The following DLGAP1 variants were observed in gnomAD, a reference collection of about 807,000 sequenced individuals.
DLGAP1 encodes DLG associated protein 1.
DLGAP1 carries 11 observed loss-of-function variants against 90.8 expected under a neutral mutation model. That is an observed-to-expected ratio of 0.12 (90% CI 0.08 to 0.20). The LOEUF (loss-of-function observed/expected upper bound fraction) is 0.20. Ranked by LOEUF, DLGAP1 falls within the 10% of genes least tolerant of loss-of-function variation. The probability of loss-of-function intolerance (pLI) is 1.00; values close to 1 mark genes in which losing one functional copy is unlikely to be tolerated. For synonymous variants in DLGAP1, 558 were observed against 540.7 expected (o/e 1.03, Z -0.44); for missense variants, 1,050 against 1,333.8 (o/e 0.79, Z 3.31).
At chr18:3,805,610 GT>G (rs1181051912) in intron 5 of DLGAP1, among the ~76,000 whole-genome samples, 2 of 152,232 alleles carry the variant, frequency 1.3e-5, no homozygotes, top group African/African-American at 4.8e-5. Flanking sequence ...GGAGTACTGT[GT>G]TATGTGGGTG....
At chr18:4,032,445 A>G (rs889285700) in intron 2 of DLGAP1, among the ~76,000 whole-genome samples, 9 of 152,218 alleles carry the variant, frequency 5.9e-5, no homozygotes, top group African/African-American at 2.2e-4. Flanking sequence ...ATCAAAAAAA[A>G]GAAAAATAAG....
At chr18:4,224,780 T>C (rs2144999641) in intron 1 of DLGAP1, among the ~76,000 whole-genome samples, 1 of 152,266 alleles carries the variant, frequency 6.6e-6, no homozygotes, top group Admixed American at 6.5e-5. Context: ...CTCACTACAC[T>C]GAAGAGAAGG....
chr18:3,573,630 AG>A (rs1160649225), intron 8 of DLGAP1, among the ~76,000 whole-genome samples: 1 of 150,344 alleles, frequency 6.7e-6, no homozygotes, highest in Non-Finnish European at 1.5e-5. Context: ...CATTTGTGAA[AG>A]GTTTTTTTTT....
intron 2 of DLGAP1, among the ~76,000 whole-genome samples, chr18:4,014,205 C>A (rs1333149863): frequency 6.6e-6 from 1 of 151,614 alleles, no homozygotes; most frequent in Non-Finnish European, 1.5e-5. Flanking sequence ...CCTGCCTCAG[C>A]CTCCCGAGTA....
chr18:3,998,953 C>A (rs7236570), intron 3 of DLGAP1, among the ~76,000 whole-genome samples: 38,139 of 151,986 alleles, frequency 0.25, 4,857 homozygotes, highest in Middle Eastern at 0.34. Context: ...CAGACAGGCT[C>A]AATAGGCTTA....
At chr18:3,845,735 T>A in intron 4 of DLGAP1, 1 of 403,360 alleles carries the variant, frequency 2.5e-6, no homozygotes, top group Non-Finnish European at 3.4e-6. Flanking sequence ...GAAGCATGCC[T>A]GATTGTCTGA....
intron 2 of DLGAP1, among the ~76,000 whole-genome samples, chr18:4,080,313 A>T (rs1226449693): frequency 6.6e-6 from 1 of 152,218 alleles, no homozygotes; most frequent in Non-Finnish European, 1.5e-5. Context: ...TGATAACGCT[A>T]TCATTTTATT....
At chr18:4,027,975 A>G (rs1455810223) in intron 2 of DLGAP1, among the ~76,000 whole-genome samples, 1 of 152,166 alleles carries the variant, frequency 6.6e-6, no homozygotes, top group Non-Finnish European at 1.5e-5. Flanking sequence ...TTGATAACCA[A>G]TCAGTTGTGG....
chr18:4,324,382 C>T (rs1271361312), intron 1 of DLGAP1, among the ~76,000 whole-genome samples: 1 of 151,236 alleles, frequency 6.6e-6, no homozygotes, highest in Non-Finnish European at 1.5e-5. Context: ...AAAAAGCCTA[C>T]CAACCAAAAA....
intron 2 of DLGAP1, among the ~76,000 whole-genome samples, chr18:4,105,225 A>C (rs1035962433): frequency 1.3e-5 from 2 of 152,204 alleles, no homozygotes; most frequent in Non-Finnish European, 2.9e-5. Context: ...ATGCTCAGGA[A>C]GTGGCATGAA....
chr18:3,571,165 G>A (rs1204291992), intron 8 of DLGAP1: 2 of 151,902 alleles, frequency 1.3e-5, no homozygotes, highest in Admixed American at 6.6e-5. Context: ...TGTAGGAATA[G>A]TAAATAATTT....
At chr18:4,211,037 G>A (rs1224341752) in intron 1 of DLGAP1, among the ~76,000 whole-genome samples, 1 of 152,166 alleles carries the variant, frequency 6.6e-6, no homozygotes, top group African/African-American at 2.4e-5. Context: ...GAACAATGTA[G>A]CTTTATCTAC....
intron 6 of DLGAP1, among the ~76,000 whole-genome samples, chr18:3,733,043 G>C (rs1182603226): frequency 2.0e-5 from 3 of 152,068 alleles, no homozygotes; most frequent in Admixed American, 1.3e-4. Context: ...GATGGAATTG[G>C]AATATTCTAT....
At chr18:4,058,363 C>G (rs966783039) in intron 2 of DLGAP1, among the ~76,000 whole-genome samples, 3 of 152,184 alleles carry the variant, frequency 2.0e-5, no homozygotes, top group African/African-American at 7.2e-5. Flanking sequence ...GGCTCATTGC[C>G]AGGACAGACA....
intron 7 of DLGAP1, among the ~76,000 whole-genome samples, chr18:3,588,606 C>A (rs897497094): frequency 2.6e-5 from 4 of 151,488 alleles, no homozygotes; most frequent in African/African-American, 9.7e-5. Flanking sequence ...ATGTTGAAAC[C>A]CCATCTCTAC....
chr18:4,338,226 T>C (rs1332972323), intron 1 of DLGAP1, among the ~76,000 whole-genome samples: 1 of 152,222 alleles, frequency 6.6e-6, no homozygotes, highest in Non-Finnish European at 1.5e-5. Context: ...ATTACATTTT[T>C]ACTGTTAAAG....
intron 7 of DLGAP1, among the ~76,000 whole-genome samples, chr18:3,599,744 C>CGAGT (rs1464061484): frequency 6.6e-6 from 1 of 152,016 alleles, no homozygotes; most frequent in African/African-American, 2.4e-5. Context: ...CTCAGCCTCC[C>CGAGT]GAGTAGCTGG....
chr18:3,502,284 AC>A, intron 12 of DLGAP1: 2 of 1,340,586 alleles, frequency 1.5e-6, no homozygotes. Context: ...ATTCACAAAG[AC>A]AGGTTTTTCT....
intron 9 of DLGAP1, among the ~76,000 whole-genome samples, chr18:3,535,240 T>C (rs919279911): frequency 6.6e-6 from 1 of 152,068 alleles, no homozygotes; most frequent in African/African-American, 2.4e-5. Context: ...AGAAATTTTA[T>C]AGGTGGAAAA....
Sources: allele counts gnomAD v4.1 joint callset (sites outside exome capture counted in the v4.1 genomes callset), GRCh38; gene constraint gnomAD v4.1.1; transcripts MANE v1.5; gene names NCBI Gene and HGNC (gene_info 2026-07-23, HGNC 2026-07-21).